Variants in CSMD1 observed in about 807,000 individuals in gnomAD.
CSMD1 encodes CUB and Sushi multiple domains 1.
A neutral mutation model predicts 417.5 loss-of-function variants in CSMD1; 213 were observed. The ratio of observed to expected loss-of-function variants is 0.51; its 90% CI spans 0.46 to 0.57. The LOEUF is 0.57. Ranked by LOEUF, CSMD1 falls within the 20% of genes least tolerant of loss-of-function variation. The probability of loss-of-function intolerance (pLI) is 0.00; values close to 1 mark genes in which losing one functional copy is unlikely to be tolerated. For missense variants in CSMD1, 6,923 were observed against 4,529.7 expected (o/e 1.53, Z -15.17); for synonymous variants, 2,862 against 1,736.8 (o/e 1.65, Z -16.11).
At position 4,637,455 on chromosome 8, in the gene CSMD1, G is replaced by A. The variant is rs775834417; in HGVS notation, c.189C>T (p.Ile63=). 4.3e-6 allele frequency: 7 copies of A among 1,613,762 alleles called. No individual in the cohort carries two copies. The East Asian group carries it at 1.1e-4, about 26-fold the overall frequency. The part of the protein sequence containing the change: ...PNYANCTWII[I]TGERNRIQLS... Reference sequence around the variant, plus strand: ...ACTGTATCCTATTGCGCTCGCCCGTGATGATGATCCAGGTGCAGTTGGCAT... The same window carrying A: ...ACTGTATCCTATTGCGCTCGCCCGTAATGATGATCCAGGTGCAGTTGGCAT... The change falls in exon 2 of 70, where the codon ATC becomes ATT. Residue 63 remains isoleucine, a synonymous_variant. Transcript: ENST00000635120.
intron 1 of CSMD1, among the ~76,000 whole-genome samples, chr8:4,751,393 G>GT (rs545557258): frequency 2.0e-5 from 3 of 151,792 alleles, no homozygotes; most frequent in Admixed American, 6.6e-5. Flanking sequence ...TCTGTCTCAG[G>GT]GGGGGTGGCG....
At chr8:4,925,626 A>C (rs1465731391) in intron 1 of CSMD1, among the ~76,000 whole-genome samples, 3 of 150,258 alleles carry the variant, frequency 2.0e-5, no homozygotes, top group African/African-American at 7.4e-5. Flanking sequence ...GGCTCACTGC[A>C]AGCTCTGCCT....
At chr8:3,507,531 T>G (rs558884959) in intron 10 of CSMD1, among the ~76,000 whole-genome samples, 31 of 152,312 alleles carry the variant, frequency 2.0e-4, no homozygotes, top group African/African-American at 5.1e-4. Flanking sequence ...GTAATGGGAT[T>G]GCTGGGTCAA....
At chr8:3,114,848 T>C (rs547244700) in intron 42 of CSMD1, among the ~76,000 whole-genome samples, 2 of 152,126 alleles carry the variant, frequency 1.3e-5, no homozygotes, top group Admixed American at 6.5e-5. Flanking sequence ...AATTTTGCAA[T>C]AAAATTGTTT....
intron 4 of CSMD1, among the ~76,000 whole-genome samples, chr8:3,998,867 A>G (rs1044654393): frequency 3.3e-5 from 5 of 150,064 alleles, no homozygotes; most frequent in African/African-American, 7.3e-5. Flanking sequence ...TAAACTATAT[A>G]TAGTTGATAT....
intron 1 of CSMD1, among the ~76,000 whole-genome samples, chr8:4,907,215 T>A (rs899642556): frequency 1.3e-5 from 2 of 152,224 alleles, no homozygotes; most frequent in African/African-American, 4.8e-5. Context: ...CTCTTTGAAA[T>A]CTTCCTAGTG....
intron 49 of CSMD1, among the ~76,000 whole-genome samples, chr8:3,058,924 G>C (rs748742778): frequency 6.6e-6 from 1 of 152,156 alleles, no homozygotes; most frequent in South Asian, 2.1e-4. Context: ...ACTACCCCTT[G>C]CTGCTTCTCT....
At chr8:3,612,341 G>C (rs2117143347) in intron 8 of CSMD1, among the ~76,000 whole-genome samples, 1 of 152,170 alleles carries the variant, frequency 6.6e-6, no homozygotes, top group East Asian at 1.9e-4. Context: ...GAAATAGACA[G>C]ATTCACAATT....
intron 49 of CSMD1, among the ~76,000 whole-genome samples, chr8:3,083,643 T>C (rs3991110): frequency 3.3e-5 from 1 of 30,682 alleles, no homozygotes; most frequent in African/African-American, 1.2e-4. Flanking sequence ...TATATATATA[T>C]ATATATTTTT....
chr8:3,531,638 G>A (rs1350739730), intron 10 of CSMD1, among the ~76,000 whole-genome samples: 6 of 152,164 alleles, frequency 3.9e-5, no homozygotes, highest in Non-Finnish European at 7.3e-5. Flanking sequence ...TAGCATAGGT[G>A]CAATACAGGA....
intron 5 of CSMD1, among the ~76,000 whole-genome samples, chr8:3,798,150 C>G (rs1800263767): frequency 6.6e-6 from 1 of 151,894 alleles, no homozygotes; most frequent in Non-Finnish European, 1.5e-5. Flanking sequence ...TTTAGTGCAT[C>G]ATATGTAGTC....
chr8:4,681,783 C>T (rs1267194510), intron 1 of CSMD1, among the ~76,000 whole-genome samples: 1 of 152,042 alleles, frequency 6.6e-6, no homozygotes, highest in Non-Finnish European at 1.5e-5. Flanking sequence ...GGTATTTACC[C>T]CATGTTATCT....
At chr8:4,809,879 T>C (rs967581967) in intron 1 of CSMD1, among the ~76,000 whole-genome samples, 1 of 152,190 alleles carries the variant, frequency 6.6e-6, no homozygotes, top group African/African-American at 2.4e-5. Context: ...GGTTGCCATA[T>C]TAAACAGTGC....
At chr8:4,753,878 T>C (rs1811501722) in intron 1 of CSMD1, among the ~76,000 whole-genome samples, 1 of 152,212 alleles carries the variant, frequency 6.6e-6, no homozygotes, top group Non-Finnish European at 1.5e-5. Flanking sequence ...TCTTCTAAGC[T>C]AGAAGGTGGC....
At chr8:4,115,414 GATTC>G (rs1194343618) in intron 3 of CSMD1, among the ~76,000 whole-genome samples, 1 of 152,132 alleles carries the variant, frequency 6.6e-6, no homozygotes, top group Non-Finnish European at 1.5e-5. Flanking sequence ...ATATTCCTAT[GATTC>G]ATTTTATAGT....
rs73659209 is a variant in CSMD1, at chr8:4,845,070, C to T, written c.85+149262G>A. Among the ~76,000 whole-genome samples the T allele has an allele frequency of 3.4e-3, 510 of 151,580 alleles. 3 individuals are homozygous for T. Among genetic ancestry groups the T allele is most frequent in the African/African-American group, 0.012 (481 of 41,348 alleles). On this transcript the variant is annotated intron_variant, in intron 1 of 69. Transcript: ENST00000635120. ...TTCTACTAAATAATGTAAAAACTAT[C>T]TATCTAATTTTCTTTATTACATATC...
rs555137321 is a variant in CSMD1 at position 3,903,654 on chromosome 8, C to G, written c.818+94249G>C. 2.0e-5 allele frequency among the ~76,000 whole-genome samples: 3 copies of G among 152,156 alleles called. No homozygotes were observed. The South Asian group carries it at 6.2e-4, about 32-fold the overall frequency. On this transcript the variant is annotated intron_variant, in intron 5 of 69. Transcript: ENST00000635120. ...GTGTCAGAAAATAAGGTTCTTGTTCCTTACAAATTGACCCTGGCTGTCTAA... is the reference window on the plus strand; with the variant it reads ...GTGTCAGAAAATAAGGTTCTTGTTCGTTACAAATTGACCCTGGCTGTCTAA...
At chr8:4,528,738 A>G (rs1188743538) in intron 2 of CSMD1, among the ~76,000 whole-genome samples, 1 of 152,014 alleles carries the variant, frequency 6.6e-6, no homozygotes, top group East Asian at 1.9e-4. Flanking sequence ...AAAATGTTTA[A>G]GTAAGATGAG....
At chr8:4,134,534 G>A (rs2552163) in intron 3 of CSMD1, among the ~76,000 whole-genome samples, 27,463 of 152,174 alleles carry the variant, frequency 0.18, 2,684 homozygotes, top group East Asian at 0.3. Context: ...AACTCTTGTT[G>A]TTTAAGCCAC....
Sources: gnomAD v4.1 joint callset for allele counts (sites outside exome capture counted in the v4.1 genomes callset) on GRCh38, gnomAD v4.1.1 for gene constraint, MANE v1.5 for transcripts, NCBI Gene and HGNC (gene_info 2026-07-23, HGNC 2026-07-21) for gene names.